Variants in AP4E1 observed in about 807,000 individuals in gnomAD.
AP4E1 encodes AP-4 complex subunit epsilon-1.
In AP4E1, 56 loss-of-function variants were observed where a neutral mutation model predicts 128.2. That is an observed-to-expected ratio of 0.44 (90% CI 0.35 to 0.55). The LOEUF (loss-of-function observed/expected upper bound fraction) is 0.55, where lower values mean the gene tolerates loss of function less well. Ranked by LOEUF, AP4E1 falls within the 20% of genes least tolerant of loss-of-function variation. The probability of loss-of-function intolerance (pLI) is 0.00; values close to 1 mark genes in which losing one functional copy is unlikely to be tolerated. For synonymous variants in AP4E1, 484 were observed against 473.1 expected, an observed-to-expected ratio of 1.02 and a Z score of -0.30; for missense variants, 1,324 against 1,307.7, an observed-to-expected ratio of 1.01 and a Z score of -0.19.
Position 50,991,082 on chromosome 15 carries a change from T to C in AP4E1, c.2091-2288T>C, listed in dbSNP as rs147418544. Among the ~76,000 whole-genome samples, 307 of 152,290 alleles carry C rather than the reference T, an allele frequency of 2.0e-3. 2 individuals carry two copies. The highest frequency in any genetic ancestry group is 7.2e-3 in the African/African-American group (298 of 41,558). ...GGACCGAGATGGATGGCAAGGACTT[T>C]ATACTTCCATTCATCCATCACTGGA... On this transcript the variant is annotated intron_variant, in intron 16 of 20. Coordinates refer to ENST00000261842, the MANE Select transcript of AP4E1 (RefSeq NM_007347.5).
intron 4 of AP4E1, 117 bp from the exon 5 acceptor site, chr15:50,924,981 A>AAATT: frequency 1.6e-6 from 2 of 1,247,864 alleles, no homozygotes; most frequent in Non-Finnish European, 2.3e-6. Flanking sequence ...TTGGATGTAC[A>AAATT]AATTAATTAT....
At chr15:50,984,202 G>T in intron 16 of AP4E1, 57 bp downstream of exon 16, 1 of 1,594,330 alleles carries the variant, frequency 6.3e-7, no homozygotes, top group Non-Finnish European at 8.6e-7. Flanking sequence ...GTCTTTTAGC[G>T]TTCCATTTGC....
chr15:50,912,057 T>C, intron 1 of AP4E1, 21 bp from the exon 2 acceptor site: 16 of 1,598,510 alleles, frequency 1.0e-5, no homozygotes, highest in Non-Finnish European at 1.4e-5. Context: ...ATCAAGCATT[T>C]AAATATTTTC....
intron 1 of AP4E1, among the ~76,000 whole-genome samples, chr15:50,909,791 C>T (rs1440873655): frequency 3.3e-5 from 5 of 151,456 alleles, no homozygotes; most frequent in Admixed American, 1.3e-4. Context: ...GGGTTCACGC[C>T]ATTCTCCTGC....
At chr15:50,947,946 C>T in intron 10 of AP4E1, 74 bp from the exon 11 acceptor site, 1 of 1,231,348 alleles carries the variant, frequency 8.1e-7, no homozygotes, top group Admixed American at 2.0e-5. Flanking sequence ...GTATGGTCAA[C>T]CTTTATGTTA....
rs1393732934 is a variant in AP4E1, at chr15:50,948,062, A to G, written c.1219A>G (p.Thr407Ala). 4 of 1,610,940 alleles carry G rather than the reference A, an allele frequency of 2.5e-6. No homozygotes were observed. Among genetic ancestry groups the G allele is most frequent in the Admixed American group, 3.3e-5 (2 of 60,026 alleles). Residue 407 changes from threonine (T) to alanine (A), a missense_variant, in exon 11 of 21, where the codon ACA becomes GCA. Coordinates refer to ENST00000261842, the MANE Select transcript of AP4E1 (RefSeq NM_007347.5). ...LYRITNAQNI[T>A]VIVQKMLEYL... ...CAGAATTACTAATGCACAGAATATA[A>G]CAGTTATTGTCCAGAAAATGCTTGA...
intron 13 of AP4E1, among the ~76,000 whole-genome samples, chr15:50,957,781 GTTC>G (rs953675705): frequency 2.7e-5 from 4 of 148,832 alleles, no homozygotes; most frequent in Admixed American, 6.8e-5. Flanking sequence ...GGTTCAAGCA[GTTC>G]TTCTTTCTCA....
chr15:51,000,877 A>G (rs921066873), intron 19 of AP4E1, 149 bp from the exon 20 acceptor site: 13 of 640,456 alleles, frequency 2.0e-5, no homozygotes, highest in South Asian at 4.0e-5. Flanking sequence ...GATACTAACC[A>G]TTTTTAGCAT....
chr15:50,984,236 C>A, intron 16 of AP4E1, 91 bp downstream of exon 16: 1 of 1,439,132 alleles, frequency 6.9e-7, no homozygotes, highest in Non-Finnish European at 9.7e-7. Flanking sequence ...CTCATATCAT[C>A]ATGGTCATTA....
At chr15:50,965,423 C>T (rs1405458594) in intron 14 of AP4E1, among the ~76,000 whole-genome samples, 2 of 152,236 alleles carry the variant, frequency 1.3e-5, no homozygotes, top group Non-Finnish European at 2.9e-5. Context: ...GGCATGTGCA[C>T]ATGCTGGTGG....
intron 13 of AP4E1, among the ~76,000 whole-genome samples, chr15:50,957,514 T>A (rs2064241538): frequency 6.6e-6 from 1 of 152,078 alleles, no homozygotes; most frequent in African/African-American, 2.4e-5. Flanking sequence ...GTTCTCACTT[T>A]GGGCCGTGGT....
chr15:50,927,813 A>G (rs2063786803), intron 5 of AP4E1, among the ~76,000 whole-genome samples: 1 of 152,190 alleles, frequency 6.6e-6, no homozygotes, highest in African/African-American at 2.4e-5. Context: ...ATTGCACTGA[A>G]TAGTCTCAGT....
intron 3 of AP4E1, among the ~76,000 whole-genome samples, chr15:50,921,513 T>C (rs1354112420): frequency 6.6e-6 from 1 of 152,002 alleles, no homozygotes; most frequent in Non-Finnish European, 1.5e-5. Flanking sequence ...CACGTCTGTC[T>C]AATTTTTGTG....
At chr15:50,946,140 C>T (rs540573650) in intron 10 of AP4E1, 2 of 520,710 alleles carry the variant, frequency 3.8e-6, no homozygotes, top group Admixed American at 7.7e-5. Context: ...TTTTAGCTAC[C>T]CTGAAAAATG....
chr15:50,953,904 T>C (rs1376310208), intron 13 of AP4E1, among the ~76,000 whole-genome samples: 1 of 152,222 alleles, frequency 6.6e-6, no homozygotes, highest in Non-Finnish European at 1.5e-5. Flanking sequence ...CAGTGCGTGA[T>C]GAGATCTTAG....
chr15:50,947,087 C>T (rs982526660), intron 10 of AP4E1, among the ~76,000 whole-genome samples: 1 of 151,740 alleles, frequency 6.6e-6, no homozygotes, highest in Non-Finnish European at 1.5e-5. Flanking sequence ...CAGAGTGAGA[C>T]TCCATCTCAA....
intron 13 of AP4E1, among the ~76,000 whole-genome samples, chr15:50,950,396 C>G (rs1235111149): frequency 2.6e-5 from 4 of 151,968 alleles, no homozygotes; most frequent in African/African-American, 9.7e-5. Flanking sequence ...TTTGTGTTTA[C>G]AATGTTTTTG....
intron 15 of AP4E1, among the ~76,000 whole-genome samples, chr15:50,976,647 G>A (rs574607847): frequency 2.0e-4 from 31 of 152,298 alleles, no homozygotes; most frequent in African/African-American, 2.2e-4. Context: ...TTAAAAAACC[G>A]TTAGAAGTAA....
intron 15 of AP4E1, among the ~76,000 whole-genome samples, chr15:50,971,571 A>T (rs1378109140): frequency 6.6e-6 from 1 of 152,130 alleles, no homozygotes; most frequent in African/African-American, 2.4e-5. Context: ...TGAAATGCCC[A>T]TAATACAAAC....
Sources: allele counts gnomAD v4.1 joint callset (sites outside exome capture counted in the v4.1 genomes callset), GRCh38; gene constraint gnomAD v4.1.1; transcripts MANE v1.5; gene names NCBI Gene and HGNC (gene_info 2026-07-23, HGNC 2026-07-21).